Variants in SH3GL2 observed in about 807,000 individuals in gnomAD.
SH3GL2 encodes SH3 domain containing GRB2 like 2, endophilin A1.
A neutral mutation model predicts 46.0 loss-of-function variants in SH3GL2; 24 were observed. The ratio of observed to expected loss-of-function variants is 0.52; its 90% CI spans 0.38 to 0.73. The LOEUF (loss-of-function observed/expected upper bound fraction) is 0.73, where lower values mean the gene tolerates loss of function less well. SH3GL2 is among the 30% of genes least tolerant of loss of function. The pLI is 0.00. For synonymous variants in SH3GL2, 196 were observed against 147.1 expected (o/e 1.33, Z -2.40); for missense variants, 413 against 424.2 (o/e 0.97, Z 0.23).
chr9:17,665,012 T>C (rs1369410172), intron 1 of SH3GL2, among the ~76,000 whole-genome samples: 1 of 152,130 alleles, frequency 6.6e-6, no homozygotes, highest in Non-Finnish European at 1.5e-5. Context: ...GTTCCACAGG[T>C]AGTGTGAGAT....
At chr9:17,684,310 T>C (rs994888676) in intron 1 of SH3GL2, among the ~76,000 whole-genome samples, 3 of 152,090 alleles carry the variant, frequency 2.0e-5, no homozygotes, top group Non-Finnish European at 4.4e-5. Flanking sequence ...ACGATGCTTT[T>C]GATACCTCCT....
chr9:17,615,725 C>T lies in SH3GL2; in HGVS notation c.45+36438C>T, dbSNP rs566730976. ...TGTGTTTATTGTTAAAAACTTAGGA[C>T]GAAAGTTAAAAAAAAAAACCCACAC... On this transcript the variant is annotated intron_variant, in intron 1 of 8. Transcript: ENST00000380607. 7.8e-5 allele frequency among the ~76,000 whole-genome samples: 11 copies of T among 141,044 alleles called. 1 individual carries two copies. In the South Asian group the frequency reaches 1.5e-3, roughly 20 times the overall value. The allele number at this position is 141,044 out of a possible 152,430, so 92.5% of individuals were successfully genotyped here.
At chr9:17,785,157 T>G (rs549269322) in intron 3 of SH3GL2, among the ~76,000 whole-genome samples, 23 of 152,334 alleles carry the variant, frequency 1.5e-4, no homozygotes, top group African/African-American at 5.0e-4. Flanking sequence ...GATCTAAACT[T>G]AAAGATACTT....
At chr9:17,686,738 G>C (rs200639553) in intron 1 of SH3GL2, among the ~76,000 whole-genome samples, 1 of 143,338 alleles carries the variant, frequency 7.0e-6, no homozygotes, top group South Asian at 2.2e-4. Flanking sequence ...GAATTGAACA[G>C]TGAAATCACA....
At chr9:17,656,315 A>G (rs1447707426) in intron 1 of SH3GL2, among the ~76,000 whole-genome samples, 1 of 152,142 alleles carries the variant, frequency 6.6e-6, no homozygotes, top group Non-Finnish European at 1.5e-5. Context: ...TATTCTTCAG[A>G]AGATTAACCA....
At chr9:17,659,945 C>G (rs1185316164) in intron 1 of SH3GL2, among the ~76,000 whole-genome samples, 1 of 152,128 alleles carries the variant, frequency 6.6e-6, no homozygotes, top group African/African-American at 2.4e-5. Flanking sequence ...TTTCCCCAGT[C>G]TGTAAACATG....
chr9:17,685,591 T>G (rs1300331118), intron 1 of SH3GL2, among the ~76,000 whole-genome samples: 1 of 152,084 alleles, frequency 6.6e-6, no homozygotes, highest in African/African-American at 2.4e-5. Context: ...GTCTAACGTT[T>G]AAGTCTTTAA....
chr9:17,787,374 T>C lies in SH3GL2; in HGVS notation c.332-6T>C. ...TGTAACATGAAAGAGCTTTATTCTC[T>C]CCTAGGCCCAGCACTTGGTGAGGTC... On this transcript the variant is annotated splice_polypyrimidine_tract_variant and splice_region_variant and intron_variant, in intron 4 of 8. Transcript: ENST00000380607. The C allele has an allele frequency of 6.2e-7, 1 of 1,612,194 alleles. No homozygotes were observed. Among genetic ancestry groups the C allele is most frequent in the Non-Finnish European group, 8.5e-7 (1 of 1,178,726 alleles).
chr9:17,707,475 T>G (rs1052886043), intron 1 of SH3GL2, among the ~76,000 whole-genome samples: 3 of 152,042 alleles, frequency 2.0e-5, no homozygotes, highest in Non-Finnish European at 4.4e-5. Context: ...GGTAAGCCAA[T>G]GTCACCTTCT....
intron 1 of SH3GL2, among the ~76,000 whole-genome samples, chr9:17,696,638 G>T (rs368992729): frequency 6.6e-6 from 1 of 152,126 alleles, no homozygotes; most frequent in Admixed American, 6.6e-5. Context: ...CAGATCTCAT[G>T]AAAACTCACT....
intron 3 of SH3GL2, among the ~76,000 whole-genome samples, chr9:17,779,748 T>C (rs1479384650): frequency 6.6e-6 from 1 of 152,154 alleles, no homozygotes; most frequent in Non-Finnish European, 1.5e-5. Flanking sequence ...ATTTCAGATG[T>C]TGTCAGATAA....
At position 17,787,327 on chromosome 9, in the gene SH3GL2, C is replaced by G. The variant is rs1044924151; in HGVS notation, c.332-53C>G. 2.3e-5 allele frequency: 34 copies of G among 1,508,884 alleles called. 1 individual carries two copies. Among genetic ancestry groups the G allele is most frequent in the Non-Finnish European group, 2.9e-5 (32 of 1,095,702 alleles). The allele number at this position is 1,508,884 out of a possible 1,614,324, so 93.5% of individuals were successfully genotyped here. A position where few individuals can be genotyped will look rare whatever the true frequency, so the allele number is the denominator to read the frequency against. On this transcript the variant is annotated intron_variant, in intron 4 of 8. Coordinates refer to ENST00000380607, the MANE Select transcript of SH3GL2 (RefSeq NM_003026.5). Reference sequence around the variant, plus strand: ...TCATCTGTGAAGGGCCCTGTTATTGCGAGTGCATTTCATCTTTATTCTGTA... The same window carrying G: ...TCATCTGTGAAGGGCCCTGTTATTGGGAGTGCATTTCATCTTTATTCTGTA...
chr9:17,656,565 G>A (rs959095493), intron 1 of SH3GL2, among the ~76,000 whole-genome samples: 6 of 151,950 alleles, frequency 3.9e-5, no homozygotes, highest in Admixed American at 3.9e-4. Flanking sequence ...CCTGTGATTG[G>A]TATGTTTTAT....
chr9:17,710,677 T>A (rs1392013001), intron 1 of SH3GL2, among the ~76,000 whole-genome samples: 2 of 152,020 alleles, frequency 1.3e-5, no homozygotes, highest in Non-Finnish European at 2.9e-5. Context: ...ATGTGGTATA[T>A]ATATGTGCAA....
chr9:17,680,048 T>A (rs897481088), intron 1 of SH3GL2, among the ~76,000 whole-genome samples: 2 of 152,154 alleles, frequency 1.3e-5, no homozygotes, highest in Non-Finnish European at 2.9e-5. Context: ...TTATTGAGGA[T>A]TTTTGCATCG....
intron 5 of SH3GL2, 54 bp downstream of exon 5, chr9:17,787,567 A>G: frequency 4.7e-6 from 7 of 1,479,266 alleles, no homozygotes; most frequent in Non-Finnish European, 6.5e-6. Flanking sequence ...ACAGATGCAG[A>G]TGCCTTTTTT....
At chr9:17,727,221 A>G (rs2224957) in intron 1 of SH3GL2, among the ~76,000 whole-genome samples, 45,053 of 152,070 alleles carry the variant, frequency 0.3, 8,066 homozygotes, top group African/African-American at 0.49. Flanking sequence ...TATGCGGTAT[A>G]GTATTTTATA....
intron 1 of SH3GL2, among the ~76,000 whole-genome samples, chr9:17,597,301 C>A (rs1227149939): frequency 1.3e-5 from 2 of 152,160 alleles, no homozygotes; most frequent in Non-Finnish European, 2.9e-5. Flanking sequence ...GCGGGCAGAT[C>A]ACTTGAGTTC....
chr9:17,640,834 C>G (rs1819663027), intron 1 of SH3GL2, among the ~76,000 whole-genome samples: 1 of 152,152 alleles, frequency 6.6e-6, no homozygotes, highest in African/African-American at 2.4e-5. Flanking sequence ...TTTAACATAT[C>G]CTTTAGGCCT....
Sources: allele counts gnomAD v4.1 joint callset (sites outside exome capture counted in the v4.1 genomes callset), GRCh38; gene constraint gnomAD v4.1.1; transcripts MANE v1.5; gene names NCBI Gene and HGNC (gene_info 2026-07-23, HGNC 2026-07-21).